Variants in NXPH1 observed in about 807,000 individuals in gnomAD.
NXPH1 encodes neurexophilin-1.
Under a neutral mutation model 23.7 loss-of-function variants are expected in NXPH1, and 5 were observed. That is an observed-to-expected ratio of 0.21 (90% confidence interval 0.11 to 0.44). The LOEUF (loss-of-function observed/expected upper bound fraction) is 0.44. Among genes scored for constraint, NXPH1 ranks in the 20% least tolerant of loss-of-function variants. NXPH1 has a pLI of 0.99. For synonymous variants in NXPH1, 144 were observed against 122.2 expected (o/e 1.18, Z -1.18); for missense variants, 324 against 321.6 (o/e 1.01, Z -0.06).
At chr7:8,472,392 C>G (rs1816884490) in intron 2 of NXPH1, among the ~76,000 whole-genome samples, 2 of 152,112 alleles carry the variant, frequency 1.3e-5, no homozygotes, top group Admixed American at 1.3e-4. Flanking sequence ...TCCTTGACCA[C>G]CTGGTGAGGG....
At chr7:8,495,592 G>A (rs1331273310) in intron 2 of NXPH1, among the ~76,000 whole-genome samples, 1 of 151,896 alleles carries the variant, frequency 6.6e-6, no homozygotes, top group East Asian at 1.9e-4. Flanking sequence ...AATGTAAGAG[G>A]GTCTATGGAG....
intron 2 of NXPH1, among the ~76,000 whole-genome samples, chr7:8,555,105 A>T (rs1046747374): frequency 4.6e-5 from 7 of 151,714 alleles, no homozygotes; most frequent in African/African-American, 1.7e-4. Flanking sequence ...GAATGAAAGG[A>T]CTGAATGCAA....
At chr7:8,465,126 T>G (rs533240776) in intron 2 of NXPH1, among the ~76,000 whole-genome samples, 1 of 152,240 alleles carries the variant, frequency 6.6e-6, no homozygotes, top group South Asian at 2.1e-4. Context: ...ACAGGAAAAT[T>G]TATAGTATAG....
At chr7:8,602,881 T>G (rs547264786) in intron 2 of NXPH1, among the ~76,000 whole-genome samples, 1 of 151,968 alleles carries the variant, frequency 6.6e-6, no homozygotes, top group Non-Finnish European at 1.5e-5. Flanking sequence ...CAGGCTGGAG[T>G]GCAGTGGCAC....
At chr7:8,573,924 G>A (rs1379487531) in intron 2 of NXPH1, among the ~76,000 whole-genome samples, 1 of 152,062 alleles carries the variant, frequency 6.6e-6, no homozygotes, top group African/African-American at 2.4e-5. Context: ...GCTCCTGGAA[G>A]GTAAAAAGTG....
rs544617247 is a variant in NXPH1 at position 8,569,912 on chromosome 7, A to G, written c.54+134145A>G. On this transcript the variant is annotated intron_variant, in intron 2 of 2. Transcript: ENST00000405863. ...GGCATTCACCTCTGTCAGCCATTAG[A>G]GTTATCATTTGTGATGTGAAAATAA... Among the ~76,000 whole-genome samples the G allele has an allele frequency of 2.6e-5, 4 of 152,030 alleles. No homozygotes were observed. In the South Asian group the frequency reaches 8.3e-4, roughly 31 times the overall value.
chr7:8,629,401 T>A (rs1052443001), intron 2 of NXPH1, among the ~76,000 whole-genome samples: 2 of 152,136 alleles, frequency 1.3e-5, no homozygotes, highest in Non-Finnish European at 1.5e-5. Flanking sequence ...TTGTAACTAC[T>A]AAGAAAAGTG....
intron 2 of NXPH1, among the ~76,000 whole-genome samples, chr7:8,709,859 G>A (rs918601087): frequency 1.3e-5 from 2 of 152,132 alleles, no homozygotes; most frequent in African/African-American, 4.8e-5. Context: ...CTGAGCTAAT[G>A]TTAGGCTATA....
chr7:8,750,254 T>TA (rs1231311649), intron 2 of NXPH1, among the ~76,000 whole-genome samples: 1 of 152,230 alleles, frequency 6.6e-6, no homozygotes, highest in Non-Finnish European at 1.5e-5. Flanking sequence ...AATATGACTG[T>TA]AATATGGATA....
chr7:8,582,214 C>A (rs1183473996), intron 2 of NXPH1, among the ~76,000 whole-genome samples: 1 of 152,186 alleles, frequency 6.6e-6, no homozygotes, highest in Non-Finnish European at 1.5e-5. Flanking sequence ...AATCACAGAG[C>A]CCCAAAGACA....
chr7:8,553,826 T>C (rs1432319858), intron 2 of NXPH1, among the ~76,000 whole-genome samples: 1 of 151,668 alleles, frequency 6.6e-6, no homozygotes, highest in Non-Finnish European at 1.5e-5. Context: ...TAAAACAAAC[T>C]ACAGGTTTCC....
At chr7:8,493,147 C>T (rs1431854301) in intron 2 of NXPH1, among the ~76,000 whole-genome samples, 1 of 151,844 alleles carries the variant, frequency 6.6e-6, no homozygotes, top group Admixed American at 6.6e-5. Context: ...GGCCCTTTGA[C>T]CTAGAATATA....
At chr7:8,541,137 T>G in intron 2 of NXPH1, among the ~76,000 whole-genome samples, 1 of 151,694 alleles carries the variant, frequency 6.6e-6, no homozygotes, top group East Asian at 2.0e-4. Flanking sequence ...AATGTTAGAT[T>G]GAGTAGATAT....
chr7:8,440,394 G>A (rs1816277818), intron 2 of NXPH1, among the ~76,000 whole-genome samples: 1 of 152,178 alleles, frequency 6.6e-6, no homozygotes, highest in African/African-American at 2.4e-5. Flanking sequence ...AACCAGGATT[G>A]CTCCAACTTT....
At chr7:8,441,242 G>A (rs1305225347) in intron 2 of NXPH1, among the ~76,000 whole-genome samples, 1 of 152,138 alleles carries the variant, frequency 6.6e-6, no homozygotes, top group African/African-American at 2.4e-5. Context: ...AAGCGGGTCT[G>A]CACTCTCGCC....
At chr7:8,473,533 G>A (rs560368710) in intron 2 of NXPH1, among the ~76,000 whole-genome samples, 3 of 152,010 alleles carry the variant, frequency 2.0e-5, no homozygotes, top group Non-Finnish European at 4.4e-5. Flanking sequence ...CTTATTGGAG[G>A]TTTTCCATGT....
chr7:8,583,533 A>G (rs2128624095), intron 2 of NXPH1, among the ~76,000 whole-genome samples: 1 of 152,264 alleles, frequency 6.6e-6, no homozygotes, highest in African/African-American at 2.4e-5. Flanking sequence ...TTATTACCCC[A>G]TTATTACCCC....
intron 2 of NXPH1, among the ~76,000 whole-genome samples, chr7:8,526,500 C>T (rs935995596): frequency 5.3e-5 from 8 of 152,050 alleles, no homozygotes; most frequent in Non-Finnish European, 7.4e-5. Context: ...TTGGAGAGGC[C>T]AGGGGTGGAA....
chr7:8,692,650 G>A (rs1821240031), intron 2 of NXPH1, among the ~76,000 whole-genome samples: 1 of 152,166 alleles, frequency 6.6e-6, no homozygotes, highest in African/African-American at 2.4e-5. Context: ...TATGGGAAAA[G>A]TCTCCATAGT....
Sources: gnomAD v4.1 joint callset for allele counts (sites outside exome capture counted in the v4.1 genomes callset) on GRCh38, gnomAD v4.1.1 for gene constraint, MANE v1.5 for transcripts, NCBI Gene and HGNC (gene_info 2026-07-23, HGNC 2026-07-21) for gene names.